Variants in THSD4 observed in about 807,000 individuals in gnomAD.
THSD4 encodes the protein thrombospondin type-1 domain-containing protein 4.
THSD4 carries 69 observed loss-of-function variants against 119.0 expected under a neutral mutation model. The observed-to-expected ratio is 0.58, with a 90% CI of 0.48 to 0.71. The LOEUF is 0.71. Ranked by LOEUF, THSD4 falls within the 30% of genes least tolerant of loss-of-function variation. The pLI is 0.00. For synonymous variants in THSD4, 524 were observed against 540.4 expected, an observed-to-expected ratio of 0.97 and a Z score of 0.42; for missense variants, 1,393 against 1,391.1, an observed-to-expected ratio of 1.00 and a Z score of -0.02.
intron 7 of THSD4, among the ~76,000 whole-genome samples, chr15:71,459,424 C>CTGTCTCTCTCTCTCTCTCTT (rs2047396302): frequency 1.3e-5 from 2 of 149,588 alleles, no homozygotes; most frequent in South Asian, 4.4e-4. Flanking sequence ...CTCTCTCTCT[C>CTGTCTCTCTCTCTCTCTCTT]GTCAACATGC....
chr15:71,637,520 A>G (rs1485136855), intron 7 of THSD4, among the ~76,000 whole-genome samples: 1 of 152,150 alleles, frequency 6.6e-6, no homozygotes, highest in African/African-American at 2.4e-5. Flanking sequence ...AAGTGAAGCT[A>G]CTGGCATCCT....
At chr15:71,274,270 C>T (rs1181085361) in intron 6 of THSD4, among the ~76,000 whole-genome samples, 1 of 152,208 alleles carries the variant, frequency 6.6e-6, no homozygotes, top group Non-Finnish European at 1.5e-5. Flanking sequence ...TTTCATCATT[C>T]AGCTGGTAGG....
chr15:71,424,960 A>G (rs1230129162), intron 7 of THSD4, among the ~76,000 whole-genome samples: 3 of 152,278 alleles, frequency 2.0e-5, no homozygotes, highest in Middle Eastern at 3.4e-3. Flanking sequence ...CAGAAATCTC[A>G]GGCTTCCAGA....
At chr15:71,374,575 G>A (rs2046105644) in intron 6 of THSD4, among the ~76,000 whole-genome samples, 1 of 152,166 alleles carries the variant, frequency 6.6e-6, no homozygotes, top group Admixed American at 6.5e-5. Context: ...TAGAAAGGCT[G>A]CCTCTACCTC....
chr15:71,271,662 T>G (rs1421065842), intron 6 of THSD4, among the ~76,000 whole-genome samples: 1 of 152,216 alleles, frequency 6.6e-6, no homozygotes, highest in East Asian at 1.9e-4. Context: ...TCTTTTCCCT[T>G]TTCTCTTTCT....
At chr15:71,463,778 T>C (rs1203295331) in intron 7 of THSD4, among the ~76,000 whole-genome samples, 1 of 152,204 alleles carries the variant, frequency 6.6e-6, no homozygotes, top group East Asian at 1.9e-4. Flanking sequence ...TCTTAACTCC[T>C]CCTCAGCTGT....
At chr15:71,097,518 A>G (rs1200596836) in intron 1 of THSD4, among the ~76,000 whole-genome samples, 1 of 151,454 alleles carries the variant, frequency 6.6e-6, no homozygotes, top group African/African-American at 2.4e-5. Context: ...GTCAGCCAAG[A>G]TAGCACCTCT....
At chr15:71,270,425 A>T (rs2044514961) in intron 6 of THSD4, among the ~76,000 whole-genome samples, 1 of 152,170 alleles carries the variant, frequency 6.6e-6, no homozygotes, top group East Asian at 1.9e-4. Flanking sequence ...TGGACCTCTT[A>T]CTTACACCTT....
intron 6 of THSD4, among the ~76,000 whole-genome samples, chr15:71,359,592 G>A (rs543685464): frequency 6.6e-6 from 1 of 152,200 alleles, no homozygotes; most frequent in Non-Finnish European, 1.5e-5. Flanking sequence ...TAGATTGCTT[G>A]AGTTCAAGAG....
At chr15:71,140,666 C>A (rs1463383455) in intron 1 of THSD4, among the ~76,000 whole-genome samples, 1 of 152,178 alleles carries the variant, frequency 6.6e-6, no homozygotes, top group Non-Finnish European at 1.5e-5. Flanking sequence ...TAACAACCTG[C>A]AGGAGTTCTT....
Position 71,242,722 on chromosome 15 carries a change from A to G in THSD4, c.538A>G (p.Thr180Ala). The G allele has an allele frequency of 1.2e-6, 2 of 1,614,052 alleles. No homozygotes were observed. The highest frequency in any genetic ancestry group is 2.2e-5 in the East Asian group (1 of 44,892). Reference sequence around the variant, plus strand: ...GGCCCCATATATCTTACCACTGCAGACAGACACTGCACACACGCCACAGAG... The same window carrying G: ...GGCCCCATATATCTTACCACTGCAGGCAGACACTGCACACACGCCACAGAG... Reference protein sequence around the residue: ...GKAPYILPLQTDTAHTPQRLR... With the variant: ...GKAPYILPLQADTAHTPQRLR... Residue 180 changes from threonine (T) to alanine (A), a missense_variant, in exon 5 of 18, where the codon ACA becomes GCA. Physicochemically the swap from Thr to Ala is moderately conservative, Grantham distance 58. Transcript: ENST00000261862.
intron 6 of THSD4, among the ~76,000 whole-genome samples, chr15:71,268,979 C>T (rs1441708457): frequency 6.6e-6 from 1 of 152,048 alleles, no homozygotes; most frequent in Admixed American, 6.6e-5. Context: ...TAATAGCCTA[C>T]CAACCAAAAA....
chr15:71,531,863 G>C (rs1474988365), intron 7 of THSD4, among the ~76,000 whole-genome samples: 1 of 152,180 alleles, frequency 6.6e-6, no homozygotes, highest in Non-Finnish European at 1.5e-5. Flanking sequence ...CTGAATTCTG[G>C]GTGGAGGAAG....
At chr15:71,436,560 C>T (rs1316970533) in intron 7 of THSD4, among the ~76,000 whole-genome samples, 1 of 152,134 alleles carries the variant, frequency 6.6e-6, no homozygotes, top group Non-Finnish European at 1.5e-5. Flanking sequence ...ATCTGGCTTC[C>T]AGAAGAGCAG....
intron 7 of THSD4, among the ~76,000 whole-genome samples, chr15:71,581,985 A>C (rs1225270634): frequency 2.6e-5 from 4 of 152,134 alleles, no homozygotes; most frequent in Non-Finnish European, 5.9e-5. Context: ...TGCTTTGGCT[A>C]TACAGGATTT....
At chr15:71,264,847 T>C (rs1053896345) in intron 6 of THSD4, among the ~76,000 whole-genome samples, 1 of 152,136 alleles carries the variant, frequency 6.6e-6, no homozygotes, top group African/African-American at 2.4e-5. Context: ...ATAAAGCTTA[T>C]TGTGGTTTAT....
chr15:71,356,648 GGTAC>G (rs955183022), intron 6 of THSD4, among the ~76,000 whole-genome samples: 197 of 147,306 alleles, frequency 1.3e-3, no homozygotes, highest in Middle Eastern at 3.6e-3. Flanking sequence ...CTTTAGCAGG[GGTAC>G]TAACTGTTTT....
intron 6 of THSD4, among the ~76,000 whole-genome samples, chr15:71,398,663 T>A (rs1259171368): frequency 1.3e-5 from 2 of 152,020 alleles, no homozygotes; most frequent in African/African-American, 2.4e-5. Flanking sequence ...GCTCTAGAAA[T>A]GTGCATTAGT....
chr15:71,474,019 G>T (rs1195301223), intron 7 of THSD4, among the ~76,000 whole-genome samples: 5 of 152,218 alleles, frequency 3.3e-5, no homozygotes, highest in African/African-American at 1.2e-4. Flanking sequence ...CATGTGGATC[G>T]CAGGTCAGGT....
Sources: allele counts gnomAD v4.1 joint callset (sites outside exome capture counted in the v4.1 genomes callset), GRCh38; gene constraint gnomAD v4.1.1; transcripts MANE v1.5; gene names NCBI Gene and HGNC (gene_info 2026-07-23, HGNC 2026-07-21).